The following PCDHA6 variants were observed in gnomAD, a reference collection of about 807,000 sequenced individuals.
The protein encoded by PCDHA6 is protocadherin alpha-6.
In PCDHA6, 55 loss-of-function variants were observed where a neutral mutation model predicts 60.3. The ratio of observed to expected loss-of-function variants is 0.91; its 90% confidence interval spans 0.73 to 1.14. PCDHA6 has a LOEUF of 1.14. Ranked by LOEUF, PCDHA6 falls within the 50% of genes most tolerant of loss-of-function variation. The probability of loss-of-function intolerance (pLI) is 0.00; values close to 1 mark genes in which losing one functional copy is unlikely to be tolerated. For missense variants in PCDHA6, 1,327 were observed against 1,256.5 expected (o/e 1.06, Z -0.85); for synonymous variants, 652 against 557.9 (o/e 1.17, Z -2.38).
intron 3 of PCDHA6, among the ~76,000 whole-genome samples, chr5:141,008,339 C>T (rs782805145): frequency 1.1e-4 from 16 of 152,176 alleles, no homozygotes; most frequent in Non-Finnish European, 1.5e-4. Context: ...TTTGATGGAG[C>T]TTTTCACGTG....
chr5:140,883,747 G>A (rs781812387), intron 1 of PCDHA6: 5 of 1,613,274 alleles, frequency 3.1e-6, no homozygotes, highest in South Asian at 2.2e-5. Context: ...TCTCCTACTC[G>A]CTGGTGGAGC....
At chr5:140,948,823 A>G (rs1554218722) in intron 1 of PCDHA6, among the ~76,000 whole-genome samples, 2 of 151,238 alleles carry the variant, frequency 1.3e-5, no homozygotes, top group African/African-American at 4.8e-5. Flanking sequence ...TATTTCATTA[A>G]TTTCTGCTTT....
intron 1 of PCDHA6, chr5:140,876,139 A>G (rs1554168285): frequency 6.2e-7 from 1 of 1,613,960 alleles, no homozygotes; most frequent in South Asian, 1.1e-5. Context: ...ACCAGAACTA[A>G]CAGGGTCTGT....
intron 1 of PCDHA6, chr5:140,870,593 G>A (rs991131905): frequency 6.2e-7 from 1 of 1,613,572 alleles, no homozygotes; most frequent in Non-Finnish European, 8.5e-7. Flanking sequence ...GTGGAGCGGC[G>A]GTTGGGCGAC....
chr5:140,918,706 G>A (rs528090085), intron 1 of PCDHA6, among the ~76,000 whole-genome samples: 10 of 152,108 alleles, frequency 6.6e-5, no homozygotes, highest in Non-Finnish European at 1.5e-4. Context: ...AGTCATGAGG[G>A]CAGAGCCCTC....
Position 140,830,417 on chromosome 5 carries a change from C to T in PCDHA6, c.2326C>T (p.Leu776Phe). ...KMDLMAFSPS[L>F]SPCPIMMGKA... is the part of the protein sequence containing the mutation. ...GGATCTCATGGCCTTTAGCCCCAGC[C>T]TTTCACCTTGTCCTATTATGATGGG... The change falls in exon 1 of 4, where the codon CTT (leucine) becomes TTT (phenylalanine). Residue 776 changes from leucine (L) to phenylalanine (F), a missense_variant. By Grantham distance (22) the Leu-to-Phe change is conservative. Coordinates refer to ENST00000529310, the MANE Select transcript of PCDHA6 (RefSeq NM_018909.4). 1.2e-6 allele frequency: 2 copies of T among 1,614,096 alleles called. No individual in the cohort carries two copies. The highest frequency in any genetic ancestry group is 1.7e-6 in the Non-Finnish European group (2 of 1,179,934).
chr5:140,877,335 G>T, intron 1 of PCDHA6: 2 of 1,613,978 alleles, frequency 1.2e-6, no homozygotes, highest in Non-Finnish European at 1.7e-6. Context: ...CGCACATCCC[G>T]TTCCACGTGG....
At chr5:140,869,781 T>G in intron 1 of PCDHA6, 1 of 1,612,992 alleles carries the variant, frequency 6.2e-7, no homozygotes, top group African/African-American at 1.3e-5. Context: ...CTGGCACCGT[T>G]CGGCTGTTAG....
intron 1 of PCDHA6, chr5:140,875,857 A>C: frequency 6.2e-7 from 1 of 1,614,124 alleles, no homozygotes; most frequent in Non-Finnish European, 8.5e-7. Context: ...CATTAACGAC[A>C]ACCCGCCGGT....
intron 1 of PCDHA6, among the ~76,000 whole-genome samples, chr5:140,890,937 A>G (rs2153432428): frequency 6.6e-6 from 1 of 152,254 alleles, no homozygotes; most frequent in South Asian, 2.1e-4. Flanking sequence ...TAGTCCAAAG[A>G]TGCTGGTGAG....
intron 3 of PCDHA6, among the ~76,000 whole-genome samples, chr5:141,000,412 TA>T (rs2097919630): frequency 4.9e-5 from 5 of 102,770 alleles, no homozygotes; most frequent in Non-Finnish European, 5.8e-5. Context: ...TATATATATA[TA>T]TATATATATT....
intron 1 of PCDHA6, chr5:140,871,603 T>C (rs919844711): frequency 6.2e-6 from 9 of 1,443,200 alleles, no homozygotes; most frequent in Admixed American, 5.5e-5. Flanking sequence ...AACCAGTGTT[T>C]TGAATATTGT....
intron 1 of PCDHA6, chr5:140,883,717 C>A (rs926863988): frequency 6.2e-7 from 1 of 1,613,614 alleles, no homozygotes. Context: ...AGGACGCGGA[C>A]GCACAGGAGA....
intron 3 of PCDHA6, among the ~76,000 whole-genome samples, chr5:140,999,830 T>C (rs146250053): frequency 2.0e-5 from 3 of 152,238 alleles, no homozygotes; most frequent in Non-Finnish European, 4.4e-5. Context: ...GCTTTAAAAA[T>C]ATGCCAAGTG....
chr5:140,846,985 C>T (rs138755205), intron 1 of PCDHA6, among the ~76,000 whole-genome samples: 9 of 149,188 alleles, frequency 6.0e-5, no homozygotes, highest in African/African-American at 1.5e-4. Context: ...AAGTAAGTTC[C>T]CCCCGGGAGA....
chr5:140,874,359 G>T (rs1456899858), intron 1 of PCDHA6, among the ~76,000 whole-genome samples: 1 of 152,176 alleles, frequency 6.6e-6, no homozygotes, highest in East Asian at 1.9e-4. Context: ...TTGAATTAAT[G>T]AATAAACTCA....
intron 1 of PCDHA6, among the ~76,000 whole-genome samples, chr5:140,925,538 C>T (rs1387501905): frequency 6.6e-6 from 1 of 151,860 alleles, no homozygotes; most frequent in Non-Finnish European, 1.5e-5. Flanking sequence ...AGGAGAAATA[C>T]CTAATGTAAA....
intron 1 of PCDHA6, among the ~76,000 whole-genome samples, chr5:140,963,688 G>A (rs185853589): frequency 5.9e-5 from 9 of 152,274 alleles, no homozygotes; most frequent in Admixed American, 5.9e-4. Context: ...GTTTATCCGT[G>A]TTTGATATCT....
At chr5:140,839,916 A>G (rs2150301736) in intron 1 of PCDHA6, among the ~76,000 whole-genome samples, 33 of 151,970 alleles carry the variant, frequency 2.2e-4, no homozygotes, top group African/African-American at 7.5e-4. Context: ...TAGAAGAAAA[A>G]CCTTGAACAA....
Sources: gnomAD v4.1 joint callset for allele counts (sites outside exome capture counted in the v4.1 genomes callset) on GRCh38, gnomAD v4.1.1 for gene constraint, MANE v1.5 for transcripts, NCBI Gene and HGNC (gene_info 2026-07-23, HGNC 2026-07-21) for gene names.